The following PCDH15 variants were observed in gnomAD, a reference collection of about 807,000 sequenced individuals.
The protein encoded by PCDH15 is protocadherin related 15, also known as protocadherin-15.
Under a neutral mutation model 178.5 loss-of-function variants are expected in PCDH15, and 129 were observed. That is an observed-to-expected ratio of 0.72 (90% CI 0.63 to 0.84). The LOEUF is 0.84. Among genes scored for constraint, PCDH15 ranks in the 40% least tolerant of loss-of-function variants. The pLI is 0.00. For synonymous variants in PCDH15, 800 were observed against 732.0 expected, an observed-to-expected ratio of 1.09 and a Z score of -1.50; for missense variants, 2,230 against 2,099.9, an observed-to-expected ratio of 1.06 and a Z score of -1.21.
At chr10:54,460,563 C>G (rs1356403682) in intron 3 of PCDH15, among the ~76,000 whole-genome samples, 1 of 151,854 alleles carries the variant, frequency 6.6e-6, no homozygotes, top group Non-Finnish European at 1.5e-5. Flanking sequence ...AAACATGGAG[C>G]GGGAATCCCA....
chr10:54,819,037 G>C (rs1952993890), intron 3 of PCDH15, among the ~76,000 whole-genome samples: 1 of 151,890 alleles, frequency 6.6e-6, no homozygotes, highest in African/African-American at 2.4e-5. Flanking sequence ...AAATTCTCCT[G>C]TCTTAGCTTC....
At chr10:55,609,190 C>T (rs560338747) in intron 2 of PCDH15, among the ~76,000 whole-genome samples, 16 of 151,918 alleles carry the variant, frequency 1.1e-4, no homozygotes, top group Admixed American at 6.6e-4. Context: ...CTTATATGTG[C>T]AAAAACAGAT....
intron 2 of PCDH15, among the ~76,000 whole-genome samples, chr10:55,474,042 A>G (rs1239443986): frequency 6.6e-6 from 1 of 152,172 alleles, no homozygotes; most frequent in Non-Finnish European, 1.5e-5. Context: ...TTGGCATGCA[A>G]GACCATGCCA....
intron 3 of PCDH15, among the ~76,000 whole-genome samples, chr10:54,382,668 A>T (rs1949386346): frequency 6.6e-6 from 1 of 152,152 alleles, no homozygotes; most frequent in African/African-American, 2.4e-5. Flanking sequence ...TGAGTCCATA[A>T]GGAATACATA....
chr10:53,880,834 A>T (rs960030518), intron 26 of PCDH15, among the ~76,000 whole-genome samples: 4 of 152,168 alleles, frequency 2.6e-5, no homozygotes, highest in African/African-American at 9.7e-5. Context: ...CTATTTGTAC[A>T]TGGGACAATA....
intron 2 of PCDH15, among the ~76,000 whole-genome samples, chr10:55,042,572 T>C (rs1287998746): frequency 1.3e-5 from 2 of 152,184 alleles, no homozygotes; most frequent in African/African-American, 4.8e-5. Flanking sequence ...TTTAGTCTTG[T>C]CAAATTATTC....
At chr10:54,992,971 G>A (rs938472819) in intron 2 of PCDH15, among the ~76,000 whole-genome samples, 20 of 147,512 alleles carry the variant, frequency 1.4e-4, no homozygotes, top group African/African-American at 4.2e-4. Flanking sequence ...AATAGTCCAA[G>A]TAAGTCAGGG....
Position 55,200,751 on chromosome 10 carries a change from C to G in PCDH15, c.-155-34100G>C, listed in dbSNP as rs375470929. On this transcript the variant is annotated intron_variant, in intron 1 of 5. Coordinates refer to the PCDH15 transcript ENST00000458638. ...GGGGGCAGATTTCCTCCTTGCTGTT[C>G]TGATGAGAGTGAGTTCTCATGAGAT... 5.3e-4 allele frequency among the ~76,000 whole-genome samples: 81 copies of G among 152,100 alleles called. 1 individual carries two copies. The South Asian group carries it at 0.012, about 23-fold the overall frequency.
intron 3 of PCDH15, among the ~76,000 whole-genome samples, chr10:54,445,303 C>G (rs563545423): frequency 4.8e-4 from 72 of 151,144 alleles, no homozygotes; most frequent in Admixed American, 2.2e-3. Flanking sequence ...TGAATATAAG[C>G]ACATCTTTCT....
At chr10:54,883,542 T>C (rs372535157) in intron 3 of PCDH15, among the ~76,000 whole-genome samples, 7 of 151,946 alleles carry the variant, frequency 4.6e-5, no homozygotes, top group African/African-American at 1.7e-4. Context: ...GGAAGTATCT[T>C]GAAGTAAATA....
chr10:54,880,380 A>G (rs187125051), intron 3 of PCDH15, among the ~76,000 whole-genome samples: 225 of 152,172 alleles, frequency 1.5e-3, no homozygotes, highest in African/African-American at 5.3e-3. Context: ...CCATTCCTAT[A>G]AGCAGATCAG....
chr10:54,573,805 C>T (rs1264132078), intron 2 of PCDH15, among the ~76,000 whole-genome samples: 1 of 152,186 alleles, frequency 6.6e-6, no homozygotes, highest in East Asian at 1.9e-4. Flanking sequence ...CCTGTGAACA[C>T]TAGCCTCAGG....
chr10:55,275,808 T>A lies in PCDH15; in HGVS notation c.-156+43791A>T, dbSNP rs188382562. Reference sequence around the variant, plus strand: ...AAAATCCATGAAAAGTCTTTTGGGATTTAAAAGACTAGAATTCCATTGACT... The same window carrying A: ...AAAATCCATGAAAAGTCTTTTGGGAATTAAAAGACTAGAATTCCATTGACT... On this transcript the variant is annotated intron_variant, in intron 1 of 5. Coordinates refer to the PCDH15 transcript ENST00000458638. Among the ~76,000 whole-genome samples, 1,102 of 151,746 alleles carry A rather than the reference T, an allele frequency of 7.3e-3. 16 individuals carry two copies. The highest frequency in any genetic ancestry group is 8.3e-3 in the Non-Finnish European group (560 of 67,828).
intron 6 of PCDH15, among the ~76,000 whole-genome samples, chr10:54,333,697 C>A (rs1940381993): frequency 6.6e-6 from 1 of 152,014 alleles, no homozygotes; most frequent in Admixed American, 6.6e-5. Context: ...GAATCATAGG[C>A]ATGTATCATT....
chr10:54,421,308 C>A (rs1275832078), intron 3 of PCDH15, among the ~76,000 whole-genome samples: 1 of 151,324 alleles, frequency 6.6e-6, no homozygotes, highest in Non-Finnish European at 1.5e-5. Flanking sequence ...ATCTCTGACT[C>A]TGTAGTTTTT....
At chr10:54,171,872 C>A (rs1564597884) in intron 13 of PCDH15, among the ~76,000 whole-genome samples, 1 of 151,354 alleles carries the variant, frequency 6.6e-6, no homozygotes. Flanking sequence ...CACCCCTTAC[C>A]ACAAGGCCTC....
intron 8 of PCDH15, among the ~76,000 whole-genome samples, chr10:54,242,931 G>T (rs946851441): frequency 6.6e-6 from 1 of 152,010 alleles, no homozygotes; most frequent in African/African-American, 2.4e-5. Context: ...ACTTATCATT[G>T]CTTAGATCTT....
chr10:55,136,845 G>C (rs1160403701), intron 2 of PCDH15, among the ~76,000 whole-genome samples: 1 of 152,040 alleles, frequency 6.6e-6, no homozygotes, highest in Non-Finnish European at 1.5e-5. Flanking sequence ...TAAACAATTA[G>C]GTGTTTAATA....
chr10:54,205,596 A>T (rs2050720959), intron 10 of PCDH15, among the ~76,000 whole-genome samples: 1 of 151,682 alleles, frequency 6.6e-6, no homozygotes, highest in Non-Finnish European at 1.5e-5. Flanking sequence ...ACTAAAAATT[A>T]TTAGGTTTTT....
Sources: allele counts gnomAD v4.1 joint callset (sites outside exome capture counted in the v4.1 genomes callset), GRCh38; gene constraint gnomAD v4.1.1; transcripts MANE v1.5; gene names NCBI Gene and HGNC (gene_info 2026-07-23, HGNC 2026-07-21).